IMMP2L: variants seen among roughly 807,000 people sequenced by gnomAD.
The protein encoded by IMMP2L is inner mitochondrial membrane peptidase subunit 2.
IMMP2L carries 18 observed loss-of-function variants against 19.3 expected under a neutral mutation model. The observed-to-expected ratio is 0.93, with a 90% CI of 0.64 to 1.38. IMMP2L has a LOEUF of 1.38. Among genes scored for constraint, IMMP2L ranks in the 40% most tolerant of loss-of-function variants. The probability of loss-of-function intolerance (pLI) is 0.00; values close to 1 mark genes in which losing one functional copy is unlikely to be tolerated. For synonymous variants in IMMP2L, 76 were observed against 73.0 expected (o/e 1.04, Z -0.21); for missense variants, 233 against 218.2 (o/e 1.07, Z -0.43).
chr7:111,016,351 A>G (rs1825534522), intron 3 of IMMP2L, among the ~76,000 whole-genome samples: 2 of 143,308 alleles, frequency 1.4e-5, no homozygotes, highest in Admixed American at 1.5e-4. Context: ...AATAATTTAT[A>G]TATAAATTAA....
chr7:111,026,919 C>G (rs921215696), intron 3 of IMMP2L, among the ~76,000 whole-genome samples: 2 of 152,042 alleles, frequency 1.3e-5, no homozygotes, highest in Non-Finnish European at 2.9e-5. Flanking sequence ...GCCTCTTGAG[C>G]TACCTGGGGC....
intron 5 of IMMP2L, among the ~76,000 whole-genome samples, chr7:110,861,181 G>A (rs1173665356): frequency 6.6e-6 from 1 of 151,390 alleles, no homozygotes; most frequent in East Asian, 2.0e-4. Context: ...AAGACAGAGA[G>A]AAGAAAAATA....
chr7:110,810,860 G>T (rs1801986900), intron 5 of IMMP2L, among the ~76,000 whole-genome samples: 1 of 152,040 alleles, frequency 6.6e-6, no homozygotes, highest in African/African-American at 2.4e-5. Flanking sequence ...CTAAATATTT[G>T]AAACTTCAAT....
Position 111,270,486 on chromosome 7 carries a change from A to T in IMMP2L, c.239+216752T>A, listed in dbSNP as rs115431891. Among the ~76,000 whole-genome samples, 813 of 152,234 alleles carry T rather than the reference A, an allele frequency of 5.3e-3. 9 individuals are homozygous for T. Among genetic ancestry groups the T allele is most frequent in the African/African-American group, 0.018 (752 of 41,552 alleles). ...CTTGAATTCTTTTTTATGTAGATGT[A>T]GTCCATCAGTTATCTTATATATTTA... On this transcript the variant is annotated intron_variant, in intron 3 of 5. Transcript: ENST00000405709.
intron 3 of IMMP2L, among the ~76,000 whole-genome samples, chr7:111,025,781 A>AATG (rs1394038868): frequency 6.6e-6 from 1 of 152,158 alleles, no homozygotes; most frequent in Non-Finnish European, 1.5e-5. Context: ...AGATACATGG[A>AATG]ATGAATGGTA....
At chr7:111,446,430 G>C (rs571969863) in intron 3 of IMMP2L, among the ~76,000 whole-genome samples, 349 of 148,122 alleles carry the variant, frequency 2.4e-3, no homozygotes, top group African/African-American at 8.4e-3. Flanking sequence ...CTGGGAGGCA[G>C]CCCCCAGCAG....
intron 3 of IMMP2L, among the ~76,000 whole-genome samples, chr7:111,160,351 T>C (rs1261604669): frequency 6.6e-6 from 1 of 152,058 alleles, no homozygotes; most frequent in Non-Finnish European, 1.5e-5. Context: ...GAGCAGTGTT[T>C]TTGCTTAGGT....
At chr7:111,192,889 G>A (rs936292672) in intron 3 of IMMP2L, among the ~76,000 whole-genome samples, 1 of 152,008 alleles carries the variant, frequency 6.6e-6, no homozygotes, top group African/African-American at 2.4e-5. Context: ...ATGAGGTAAG[G>A]GAGGAGTTTA....
chr7:111,473,391 A>G (rs1222048094), intron 3 of IMMP2L, among the ~76,000 whole-genome samples: 4 of 152,174 alleles, frequency 2.6e-5, no homozygotes, highest in African/African-American at 4.8e-5. Flanking sequence ...AAAAAATACA[A>G]AAGTACAGAG....
At chr7:111,237,999 A>C (rs2129627780) in intron 3 of IMMP2L, among the ~76,000 whole-genome samples, 1 of 152,226 alleles carries the variant, frequency 6.6e-6, no homozygotes, top group South Asian at 2.1e-4. Context: ...CTATTATTTT[A>C]TTAAGTTTAA....
intron 3 of IMMP2L, among the ~76,000 whole-genome samples, chr7:111,383,830 T>C (rs115728718): frequency 0.019 from 2,935 of 152,190 alleles, 100 homozygotes; most frequent in African/African-American, 0.067. Context: ...CTTCCACTTT[T>C]ATATGTTCAA....
chr7:110,898,229 A>T (rs28665382), intron 4 of IMMP2L, among the ~76,000 whole-genome samples: 9,517 of 151,980 alleles, frequency 0.063, 982 homozygotes, highest in African/African-American at 0.22. Context: ...AGCAGAAATT[A>T]AAAAAGAAGA....
intron 3 of IMMP2L, among the ~76,000 whole-genome samples, chr7:111,102,944 T>C (rs1320291313): frequency 6.6e-6 from 1 of 151,456 alleles, no homozygotes; most frequent in Non-Finnish European, 1.5e-5. Context: ...AAAGACCATA[T>C]AGTATAGGAC....
chr7:110,766,172 G>T (rs1009733394), intron 5 of IMMP2L, among the ~76,000 whole-genome samples: 1 of 152,122 alleles, frequency 6.6e-6, no homozygotes, highest in Non-Finnish European at 1.5e-5. Flanking sequence ...ACATAGGAGA[G>T]ATTTATTTAA....
chr7:111,411,507 A>T, intron 3 of IMMP2L: 1 of 435,838 alleles, frequency 2.3e-6, no homozygotes, highest in South Asian at 1.8e-5. Flanking sequence ...GACATTATGG[A>T]GAACTGCTTC....
At chr7:110,824,213 A>G (rs1470090798) in intron 5 of IMMP2L, among the ~76,000 whole-genome samples, 1 of 152,106 alleles carries the variant, frequency 6.6e-6, no homozygotes, top group Non-Finnish European at 1.5e-5. Context: ...AAAATATGAA[A>G]GGGTATGAAA....
chr7:110,756,343 T>C (rs752038564), intron 5 of IMMP2L, among the ~76,000 whole-genome samples: 6 of 151,930 alleles, frequency 3.9e-5, no homozygotes, highest in Admixed American at 6.6e-5. Context: ...GTGGCTGGAG[T>C]AGAAGGAGGT....
chr7:111,237,646 A>C (rs2129627579), intron 3 of IMMP2L, among the ~76,000 whole-genome samples: 1 of 152,078 alleles, frequency 6.6e-6, no homozygotes, highest in Non-Finnish European at 1.5e-5. Flanking sequence ...ATTTACCTAT[A>C]ATCATAGAAA....
At chr7:111,521,549 A>G in intron 1 of IMMP2L, 100 bp from the exon 2 acceptor site, 2 of 997,426 alleles carry the variant, frequency 2.0e-6, no homozygotes, top group Admixed American at 2.6e-5. Flanking sequence ...CCGAAGGGCA[A>G]TCTTGTCTCT....
Sources: gnomAD v4.1 joint callset for allele counts (sites outside exome capture counted in the v4.1 genomes callset) on GRCh38, gnomAD v4.1.1 for gene constraint, MANE v1.5 for transcripts, NCBI Gene and HGNC (gene_info 2026-07-23, HGNC 2026-07-21) for gene names.